The following MBIP variants were observed in gnomAD, a reference collection of about 807,000 sequenced individuals.
The protein encoded by MBIP is MAP3K12-binding inhibitory protein 1.
Under a neutral mutation model 45.7 loss-of-function variants are expected in MBIP, and 32 were observed. The observed-to-expected ratio is 0.70, with a 90% confidence interval of 0.53 to 0.94. The LOEUF (loss-of-function observed/expected upper bound fraction) is 0.94. Ranked by LOEUF, MBIP falls within the 40% of genes least tolerant of loss-of-function variation. The probability of loss-of-function intolerance (pLI) is 0.00; values close to 1 mark genes in which losing one functional copy is unlikely to be tolerated. For synonymous variants in MBIP, 145 were observed against 141.0 expected, an observed-to-expected ratio of 1.03 and a Z score of -0.20; for missense variants, 381 against 405.5, an observed-to-expected ratio of 0.94 and a Z score of 0.52.
rs1157207159 is a variant in MBIP at position 36,320,516 on chromosome 14, G to A, written c.73C>T (p.Leu25Phe). The A allele has an allele frequency of 6.2e-7, 1 of 1,613,878 alleles. No homozygotes were observed. Among genetic ancestry groups the A allele is most frequent in the African/African-American group, 1.3e-5 (1 of 74,900 alleles). Residue 25 changes from leucine (L) to phenylalanine (F), a missense_variant, in exon 1 of 9, where the codon CTC becomes TTC. Coordinates refer to ENST00000416007, the MANE Select transcript of MBIP (RefSeq NM_016586.3). ...RNLERRCRPN[L>F]SREVLYEIFR... is the part of the protein sequence containing the mutation. ...ATTTCGTAGAGCACCTCTCGGGAGA[G>A]GTTGGGTCTGCATCTTCGCTCCAGG...
intron 8 of MBIP, 109 bp downstream of exon 8, chr14:36,300,676 T>G: frequency 1.4e-6 from 1 of 736,150 alleles, no homozygotes; most frequent in Non-Finnish European, 2.2e-6. Flanking sequence ...GTCCTAAATT[T>G]TACCAGGGTA....
At position 36,320,489 on chromosome 14, in the gene MBIP, A is replaced by C; in HGVS notation, c.100T>G (p.Phe34Val). 1 of 1,613,940 alleles carries C rather than the reference A, an allele frequency of 6.2e-7. No homozygotes were observed. Among genetic ancestry groups the C allele is most frequent in the Non-Finnish European group, 8.5e-7 (1 of 1,179,978 alleles). ...NLSREVLYEI[F>V]RSLHTLVGQL... ...CCAACCAGGGTGTGTAGGGAGCGAAAGATTTCGTAGAGCACCTCTCGGGAG... is the reference window on the plus strand; with the variant it reads ...CCAACCAGGGTGTGTAGGGAGCGAACGATTTCGTAGAGCACCTCTCGGGAG... Residue 34 changes from phenylalanine to valine, a missense_variant, in exon 1 of 9, where the codon TTT becomes GTT. Phe to Val is a conservative substitution (Grantham distance 50, BLOSUM62 -1). Coordinates refer to ENST00000416007, the MANE Select transcript of MBIP (RefSeq NM_016586.3).
At chr14:36,306,136 C>T (rs1478256971) in intron 7 of MBIP, among the ~76,000 whole-genome samples, 1 of 152,146 alleles carries the variant, frequency 6.6e-6, no homozygotes, top group Admixed American at 6.5e-5. Flanking sequence ...ACTTAAGGTC[C>T]TAACAATCTG....
rs1263040914 is a variant in MBIP, at chr14:36,316,777, G to A, written c.165C>T (p.Ile55=). ...AGAGGCTCTGGAGCTTGTTCCAATC[G>A]ATTGTAATTTTCACCACATCATCTC... ...DLRDDVVKIT[I]DWNKLQSLSA... Residue 55 remains isoleucine (I), a synonymous_variant, in exon 2 of 9, where the codon ATC becomes ATT. Transcript: ENST00000416007. 16 of 1,612,276 alleles carry A rather than the reference G, an allele frequency of 9.9e-6. No homozygotes were observed. The highest frequency in any genetic ancestry group is 3.3e-5 in the South Asian group (3 of 90,820).
rs754872608 is a variant in MBIP at position 36,308,148 on chromosome 14, G to GT, written c.831dup (p.Leu278ThrfsTer2). On this transcript the variant is annotated frameshift_variant, in exon 7 of 9. Coordinates refer to ENST00000416007, the MANE Select transcript of MBIP (RefSeq NM_016586.3). LOFTEE classifies it high-confidence loss of function. ...TCCAATTCAAGGATTTTATCCTCAA[G>GT]TTTTTTAATTCTCTGATAAATGTCT... The GT allele has an allele frequency of 1.9e-6, 3 of 1,605,930 alleles. No homozygotes were observed. Among genetic ancestry groups the GT allele is most frequent in the Non-Finnish European group, 2.6e-6 (3 of 1,174,814 alleles).
intron 4 of MBIP, chr14:36,313,192 T>C (rs1453657753): frequency 1.3e-5 from 2 of 151,938 alleles, no homozygotes; most frequent in African/African-American, 2.4e-5. Flanking sequence ...GGGCCATCCT[T>C]TCTCCATTCT....
At chr14:36,319,666 T>A in intron 1 of MBIP, 1 of 380,962 alleles carries the variant, frequency 2.6e-6, no homozygotes, top group Non-Finnish European at 5.2e-6. Context: ...TAGAAAATGG[T>A]CTATGTAAGA....
At chr14:36,301,117 G>A (rs922542994) in intron 7 of MBIP, 3 of 211,734 alleles carry the variant, frequency 1.4e-5, no homozygotes, top group African/African-American at 2.3e-5. Context: ...GAGTGATTTC[G>A]GAAAGAGGTG....
chr14:36,308,067 A>G, intron 7 of MBIP, 25 bp downstream of exon 7: 1 of 1,237,368 alleles, frequency 8.1e-7, no homozygotes, highest in African/African-American at 1.5e-5. Context: ...ATTTTCATTT[A>G]TTTTTAAAAG....
intron 4 of MBIP, 144 bp from the exon 5 acceptor site, chr14:36,312,168 CATAGG>C (rs58992019): frequency 0.02 from 9,416 of 462,610 alleles, 732 homozygotes; most frequent in African/African-American, 0.17. Flanking sequence ...TACTATCACA[CATAGG>C]ATAGAATTTA....
chr14:36,312,584 C>T (rs1270434062), intron 4 of MBIP, among the ~76,000 whole-genome samples: 1 of 152,100 alleles, frequency 6.6e-6, no homozygotes, highest in Non-Finnish European at 1.5e-5. Context: ...CAAAAGTCAT[C>T]TACTTCTTCT....
At chr14:36,299,704 C>T (rs562837144) in intron 8 of MBIP, among the ~76,000 whole-genome samples, 2 of 152,210 alleles carry the variant, frequency 1.3e-5, no homozygotes, top group East Asian at 3.9e-4. Flanking sequence ...AGAAAAAAAT[C>T]ATTTGAGACA....
intron 7 of MBIP, among the ~76,000 whole-genome samples, chr14:36,303,024 A>G (rs1301914261): frequency 4.6e-5 from 7 of 152,218 alleles, no homozygotes; most frequent in Non-Finnish European, 1.0e-4. Context: ...GATACTCTAC[A>G]GTGTACTGTG....
intron 7 of MBIP, among the ~76,000 whole-genome samples, chr14:36,307,036 T>A (rs539253492): frequency 1.4e-4 from 22 of 152,340 alleles, no homozygotes; most frequent in African/African-American, 5.3e-4. Context: ...GTATGCTAAG[T>A]GTTTGATCAG....
chr14:36,301,858 CAAAG>C (rs998273457), intron 7 of MBIP, among the ~76,000 whole-genome samples: 3 of 152,164 alleles, frequency 2.0e-5, no homozygotes, highest in African/African-American at 7.2e-5. Context: ...GTATATTTGA[CAAAG>C]AAACTGTGAA....
rs1419518796 is a variant in MBIP at position 36,314,879 on chromosome 14, C to T, written c.286G>A (p.Glu96Lys). Reference sequence around the variant, plus strand: ...ATCTCTTCAACAGCAGTTGTATTCTCCTCTTTAATCGGAGACTGAAGTTTT... The same window carrying T: ...ATCTCTTCAACAGCAGTTGTATTCTTCTCTTTAATCGGAGACTGAAGTTTT... ...LAKLQSPIKEENTTAVEEIGR... is the reference protein window; with the variant it reads ...LAKLQSPIKEKNTTAVEEIGR... The change falls in exon 3 of 9, where the codon GAG (glutamate) becomes AAG (lysine). Residue 96 changes from glutamate to lysine, a missense_variant. Coordinates refer to ENST00000416007, the MANE Select transcript of MBIP (RefSeq NM_016586.3). The T allele has an allele frequency of 1.1e-5, 18 of 1,613,064 alleles. No homozygotes were observed. Among genetic ancestry groups the T allele is most frequent in the Non-Finnish European group, 1.5e-5 (18 of 1,179,484 alleles).
At chr14:36,307,979 T>C (rs1879980040) in intron 7 of MBIP, 113 bp downstream of exon 7, 2 of 597,248 alleles carry the variant, frequency 3.3e-6, no homozygotes, top group Non-Finnish European at 5.9e-6. Context: ...TTCATTCATC[T>C]TTGAATTATT....
At chr14:36,307,683 C>T (rs1483186869) in intron 7 of MBIP, among the ~76,000 whole-genome samples, 1 of 152,040 alleles carries the variant, frequency 6.6e-6, no homozygotes, top group African/African-American at 2.4e-5. Context: ...GTATTAACTG[C>T]ATATGAGCTG....
intron 1 of MBIP, among the ~76,000 whole-genome samples, chr14:36,318,304 T>C (rs1278354723): frequency 2.0e-5 from 3 of 152,034 alleles, no homozygotes; most frequent in Non-Finnish European, 4.4e-5. Context: ...TAAGTCTTAA[T>C]GTTTGGTTCA....
Sources: allele counts gnomAD v4.1 joint callset (sites outside exome capture counted in the v4.1 genomes callset), GRCh38; gene constraint gnomAD v4.1.1; transcripts MANE v1.5; gene names NCBI Gene and HGNC (gene_info 2026-07-23, HGNC 2026-07-21).